The following DYSF variants were observed in gnomAD, a reference collection of about 807,000 sequenced individuals.
DYSF encodes the protein dystrophy-associated fer-1-like 1.
DYSF carries 212 observed loss-of-function variants against 274.9 expected under a neutral mutation model. The observed-to-expected ratio is 0.77, with a 90% CI of 0.69 to 0.86. The LOEUF is 0.86. Among genes scored for constraint, DYSF ranks in the 40% least tolerant of loss-of-function variants. The pLI, the probability that DYSF is intolerant of heterozygous loss-of-function variation, is 0.00. For synonymous variants in DYSF, 1,091 were observed against 1,078.7 expected (o/e 1.01, Z -0.22); for missense variants, 2,666 against 2,783.2 (o/e 0.96, Z 0.95).
intron 1 of DYSF, among the ~76,000 whole-genome samples, chr2:71,473,577 T>C (rs2082185650): frequency 6.6e-6 from 1 of 152,072 alleles, no homozygotes; most frequent in Admixed American, 6.6e-5. Context: ...CTTCTCTCTG[T>C]CCCCTCTCTA....
intron 17 of DYSF, among the ~76,000 whole-genome samples, chr2:71,540,994 G>T (rs2089878432): frequency 6.6e-6 from 1 of 152,152 alleles, no homozygotes; most frequent in African/African-American, 2.4e-5. Flanking sequence ...ACTGTATTTT[G>T]AGTAATCTTT....
intron 51 of DYSF, 131 bp downstream of exon 51, chr2:71,669,877 C>T (rs922514021): frequency 4.1e-6 from 5 of 1,228,144 alleles, no homozygotes; most frequent in Non-Finnish European, 5.9e-6. Context: ...GCTACCACTG[C>T]CATCTCCACA....
chr2:71,573,500 G>A (rs371799900), intron 29 of DYSF, among the ~76,000 whole-genome samples: 42 of 152,192 alleles, frequency 2.8e-4, no homozygotes, highest in African/African-American at 9.7e-4. Context: ...TCAGGCCCAG[G>A]AAAGGGACCC....
intron 20 of DYSF, 43 bp from the exon 21 acceptor site, chr2:71,553,764 C>G: frequency 6.5e-7 from 1 of 1,532,592 alleles, no homozygotes; most frequent in Non-Finnish European, 8.9e-7. Context: ...CCCACCCGCC[C>G]TCCACTCCTG....
chr2:71,478,347 G>A (rs1362638213), intron 1 of DYSF, among the ~76,000 whole-genome samples: 2 of 151,900 alleles, frequency 1.3e-5, no homozygotes, highest in Admixed American at 6.6e-5. Flanking sequence ...GAGCAGCTGG[G>A]ACTACAGGTG....
At chr2:71,543,936 G>GGGAGAGGGAGAT (rs2090236339) in intron 17 of DYSF, among the ~76,000 whole-genome samples, 1 of 147,258 alleles carries the variant, frequency 6.8e-6, no homozygotes, top group Non-Finnish European at 1.5e-5. Context: ...GAGAGGGAGA[G>GGGAGAGGGAGAT]GGAGAGGGAG....
chr2:71,525,201 G>A (rs1215039307), intron 12 of DYSF, among the ~76,000 whole-genome samples: 1 of 152,034 alleles, frequency 6.6e-6, no homozygotes, highest in Non-Finnish European at 1.5e-5. Context: ...TTTCCCAGGT[G>A]AGTCTTTTCT....
At chr2:71,603,685 A>T (rs79278033) in intron 36 of DYSF, among the ~76,000 whole-genome samples, 1 of 152,276 alleles carries the variant, frequency 6.6e-6, no homozygotes, top group Non-Finnish European at 1.5e-5. Context: ...TGCGCCTGAC[A>T]GGCGGCCTCC....
At chr2:71,636,247 G>A (rs890693466) in intron 41 of DYSF, among the ~76,000 whole-genome samples, 1 of 152,180 alleles carries the variant, frequency 6.6e-6, no homozygotes, top group African/African-American at 2.4e-5. Context: ...TGCACAGAGG[G>A]TGACAAGATC....
chr2:71,463,026 G>A (rs144231667), upstream of DYSF, among the ~76,000 whole-genome samples: 1 of 152,324 alleles, frequency 6.6e-6, no homozygotes, highest in Non-Finnish European at 1.5e-5. Flanking sequence ...GCTTGTAGGT[G>A]GGGTTTCACT....
At chr2:71,567,235 A>T (rs1225386086) in intron 24 of DYSF, among the ~76,000 whole-genome samples, 1 of 152,244 alleles carries the variant, frequency 6.6e-6, no homozygotes, top group Non-Finnish European at 1.5e-5. Context: ...GAAAAAAAGC[A>T]GTTGAAGACC....
intron 1 of DYSF, among the ~76,000 whole-genome samples, chr2:71,467,620 A>G (rs1330992086): frequency 1.3e-5 from 2 of 152,044 alleles, no homozygotes; most frequent in African/African-American, 4.8e-5. Flanking sequence ...CAACCCCTCC[A>G]AGGCAGATTC....
rs58866203 is a variant in DYSF, at chr2:71,602,029, C to T, written c.3927+501C>T. On this transcript the variant is annotated intron_variant, in intron 35 of 55. Transcript: ENST00000410020. Reference sequence around the variant, plus strand: ...GTTTCAGAAGCCCTGATTCAGACCACATTTCCCACTGAATTGTTCTTACCA... The same window carrying T: ...GTTTCAGAAGCCCTGATTCAGACCATATTTCCCACTGAATTGTTCTTACCA... Among the ~76,000 whole-genome samples, 935 of 152,362 alleles carry T rather than the reference C, an allele frequency of 6.1e-3. 17 individuals carry two copies. The highest frequency in any genetic ancestry group is 0.022 in the African/African-American group (905 of 41,592).
rs184892334 is a variant in DYSF, at chr2:71,681,896, C to A, written c.6174-634C>A. On this transcript the variant is annotated intron_variant, in intron 54 of 55. Coordinates refer to ENST00000410020, the MANE Select transcript of DYSF (RefSeq NM_001130987.2). ...GGCTGGCAGAGCAGTGAGAGGCACC[C>A]TTGCCTAAGGATGCTGGGATCTGCA... 1.4e-4 allele frequency among the ~76,000 whole-genome samples: 22 copies of A among 152,334 alleles called. No homozygotes were observed. In the East Asian group the frequency reaches 4.0e-3, roughly 28 times the overall value.
Position 71,669,504 on chromosome 2 carries a change from G to A in DYSF, c.5643-101G>A, listed in dbSNP as rs2095080976. On this transcript the variant is annotated intron_variant, in intron 50 of 55. Transcript: ENST00000410020. ...TTCCTGGGAATTCTTTTTGCGATAAGCTCATTTACCTTCTTAACTCCTTGT... is the reference window on the plus strand; with the variant it reads ...TTCCTGGGAATTCTTTTTGCGATAAACTCATTTACCTTCTTAACTCCTTGT... 1.2e-5 allele frequency: 17 copies of A among 1,444,952 alleles called. No individual in the cohort carries two copies. In the South Asian group the frequency reaches 1.6e-4, roughly 14 times the overall value. 89.5% of individuals were successfully genotyped at this position (1,444,952 alleles called of 1,614,324 possible). A position where few individuals can be genotyped will look rare whatever the true frequency, so the allele number is the denominator to read the frequency against.
chr2:71,520,701 C>T (rs1344586009), intron 11 of DYSF, 88 bp from the exon 12 acceptor site: 2 of 1,112,228 alleles, frequency 1.8e-6, no homozygotes, highest in Non-Finnish European at 2.8e-6. Flanking sequence ...CTTTACCTCC[C>T]CTGTGCAGTC....
intron 3 of DYSF, among the ~76,000 whole-genome samples, chr2:71,483,660 G>A (rs916376213): frequency 6.6e-6 from 1 of 152,130 alleles, no homozygotes; most frequent in Non-Finnish European, 1.5e-5. Context: ...GTGTCTGGCC[G>A]CATGCTGTCT....
At chr2:71,605,204 T>C (rs2093624179) in intron 36 of DYSF, among the ~76,000 whole-genome samples, 1 of 152,270 alleles carries the variant, frequency 6.6e-6, no homozygotes, top group Non-Finnish European at 1.5e-5. Flanking sequence ...TGTTTGCTCC[T>C]TGGCCCCAGC....
intron 41 of DYSF, among the ~76,000 whole-genome samples, 167 bp downstream of exon 41, chr2:71,620,776 A>G (rs1229258498): frequency 6.6e-6 from 1 of 152,102 alleles, no homozygotes; most frequent in Non-Finnish European, 1.5e-5. Context: ...AGGAGGGGTG[A>G]GAGAAAGCTA....
Sources: allele counts gnomAD v4.1 joint callset (sites outside exome capture counted in the v4.1 genomes callset), GRCh38; gene constraint gnomAD v4.1.1; transcripts MANE v1.5; gene names NCBI Gene and HGNC (gene_info 2026-07-23, HGNC 2026-07-21).